LINGO1: variants seen among roughly 807,000 people sequenced by gnomAD.
The protein encoded by LINGO1 is leucine-rich repeat and immunoglobulin-like domain-containing nogo receptor-interacting protein 1.
A neutral mutation model predicts 37.3 loss-of-function variants in LINGO1; 11 were observed. The observed-to-expected ratio is 0.29, with a 90% CI of 0.19 to 0.49. The LOEUF (loss-of-function observed/expected upper bound fraction) is 0.49. LINGO1 is among the 20% of genes least tolerant of loss of function. The probability of loss-of-function intolerance (pLI) is 0.99; values close to 1 mark genes in which losing one functional copy is unlikely to be tolerated. For synonymous variants in LINGO1, 387 were observed against 403.0 expected, an observed-to-expected ratio of 0.96 and a Z score of 0.48; for missense variants, 585 against 878.2, an observed-to-expected ratio of 0.67 and a Z score of 4.22.
chr15:77,769,918 G>A lies in LINGO1; in HGVS notation c.-257+16951C>T, dbSNP rs114232736. On this transcript the variant is annotated intron_variant, in intron 1 of 3. Transcript: ENST00000561686. ...CTGATCTGCCCCATTTTCAGGTGAA[G>A]AAACCGAGACTCAGTGTGGTTTTGT... is the stretch of plus-strand genomic sequence containing the variant. Among the ~76,000 whole-genome samples, 770 of 152,300 alleles carry A rather than the reference G, an allele frequency of 5.1e-3. 7 individuals carry two copies. The highest frequency in any genetic ancestry group is 0.017 in the African/African-American group (708 of 41,558).
chr15:77,747,930 G>A (rs1365764169), intron 1 of LINGO1, among the ~76,000 whole-genome samples: 2 of 152,362 alleles, frequency 1.3e-5, no homozygotes, highest in East Asian at 3.9e-4. Context: ...CGTGTGTGCT[G>A]CGTGCCAGAC....
intron 2 of LINGO1, among the ~76,000 whole-genome samples, chr15:77,687,353 T>C (rs1299862779): frequency 6.6e-6 from 1 of 152,210 alleles, no homozygotes; most frequent in Non-Finnish European, 1.5e-5. Context: ...CAGGTCTTAA[T>C]GAGGGACATT....
intron 2 of LINGO1, among the ~76,000 whole-genome samples, chr15:77,794,374 G>A (rs8039211): frequency 0.42 from 3,052 of 7,192 alleles, 1,012 homozygotes; most frequent in Middle Eastern, 0.62. Flanking sequence ...ATATACATAC[G>A]TATATGTATA....
chr15:77,741,579 G>T (rs1596177382), intron 1 of LINGO1, among the ~76,000 whole-genome samples: 2 of 152,114 alleles, frequency 1.3e-5, no homozygotes, highest in South Asian at 4.1e-4. Context: ...GGGGCAGGCC[G>T]CAGGCCCCAC....
chr15:77,749,681 G>A (rs751261282), intron 1 of LINGO1, among the ~76,000 whole-genome samples: 4 of 152,162 alleles, frequency 2.6e-5, no homozygotes, highest in Non-Finnish European at 4.4e-5. Context: ...AGCTGCTCCC[G>A]CCACCAGACC....
chr15:77,794,619 G>A (rs1458357328), intron 2 of LINGO1, among the ~76,000 whole-genome samples: 3 of 130,888 alleles, frequency 2.3e-5, no homozygotes, highest in Admixed American at 8.3e-5. Context: ...ACGGAGTCTC[G>A]CTCTGTCGCC....
intron 1 of LINGO1, among the ~76,000 whole-genome samples, chr15:77,819,823 G>T (rs1164895968): frequency 6.6e-6 from 1 of 151,284 alleles, no homozygotes; most frequent in African/African-American, 2.4e-5. Flanking sequence ...CCCAGGTGCC[G>T]ACTCGGGCTT....
chr15:77,679,848 T>C lies in LINGO1; in HGVS notation c.-98-2674A>G, dbSNP rs558384511. On this transcript the variant is annotated intron_variant, in intron 2 of 3. Transcript: ENST00000559893. ...TGTGATCAGGATATTACATAGCCCA[T>C]AGCAACCACTCGATATGCCCCAGGT... 3.3e-5 allele frequency among the ~76,000 whole-genome samples: 5 copies of C among 151,942 alleles called. No individual in the cohort carries two copies. The East Asian group carries it at 9.7e-4, about 29-fold the overall frequency.
rs545849653 is a variant in LINGO1, at chr15:77,718,306, T to C, written c.-195+16686A>G. Among the ~76,000 whole-genome samples, 6 of 151,016 alleles carry C rather than the reference T, an allele frequency of 4.0e-5. 2 individuals are homozygous for C. In the South Asian group the frequency reaches 1.3e-3, roughly 32 times the overall value. On this transcript the variant is annotated intron_variant, in intron 2 of 3. Coordinates refer to the LINGO1 transcript ENST00000561686. ...CACGCGGGTTTAACAGCCACATGTA[T>C]GAATGCACACGCTCATGCATACCCA...
upstream of LINGO1, among the ~76,000 whole-genome samples, chr15:77,698,055 T>C (rs2075719162): frequency 6.6e-6 from 1 of 152,084 alleles, no homozygotes; most frequent in South Asian, 2.1e-4. Flanking sequence ...GAGGATGGAT[T>C]TCAGGCAGGC....
intron 3 of LINGO1, among the ~76,000 whole-genome samples, chr15:77,650,308 A>C (rs1015387021): frequency 5.9e-5 from 9 of 152,204 alleles, no homozygotes; most frequent in Non-Finnish European, 1.5e-5. Flanking sequence ...GAGAAGGAAT[A>C]ATCTTAAAAG....
In LINGO1 at chr15:77,812,828, C is replaced by G. The variant is rs189962037; in HGVS notation, c.-458+7430G>C. On this transcript the variant is annotated intron_variant, in intron 1 of 5. Transcript: ENST00000562933. ...GTGGCCCCGCCCCATCCTGGCACAG[C>G]CATCAGGGACAGGGAGGGCCGTATC... Among the ~76,000 whole-genome samples the G allele has an allele frequency of 1.4e-4, 21 of 152,346 alleles. No individual in the cohort carries two copies. The East Asian group carries it at 3.9e-3, about 28-fold the overall frequency.
At chr15:77,713,476 A>T (rs1596145179) in intron 2 of LINGO1, among the ~76,000 whole-genome samples, 1 of 151,308 alleles carries the variant, frequency 6.6e-6, no homozygotes, top group Non-Finnish European at 1.5e-5. Flanking sequence ...AGGAGGACAA[A>T]TTAGTAGCAG....
At chr15:77,675,778 C>T (rs947804541) in intron 3 of LINGO1, among the ~76,000 whole-genome samples, 2 of 152,072 alleles carry the variant, frequency 1.3e-5, no homozygotes, top group African/African-American at 4.8e-5. Flanking sequence ...AAAAATGATT[C>T]TGCTTAGGGA....
At chr15:77,671,067 C>T (rs2075239714) in intron 3 of LINGO1, among the ~76,000 whole-genome samples, 1 of 152,218 alleles carries the variant, frequency 6.6e-6, no homozygotes, top group Admixed American at 6.5e-5. Flanking sequence ...TTCATCACCA[C>T]CTGACCCTCC....
At chr15:77,816,778 T>C (rs1473838471) in intron 1 of LINGO1, among the ~76,000 whole-genome samples, 1 of 151,914 alleles carries the variant, frequency 6.6e-6, no homozygotes, top group Non-Finnish European at 1.5e-5. Flanking sequence ...GTTCATTTTG[T>C]GGAGTTGGTT....
At chr15:77,748,421 G>A (rs998717352) in intron 1 of LINGO1, among the ~76,000 whole-genome samples, 1 of 152,128 alleles carries the variant, frequency 6.6e-6, no homozygotes, top group Admixed American at 6.6e-5. Flanking sequence ...TGTCACTGCA[G>A]GGATTCCATG....
intron 2 of LINGO1, chr15:77,720,538 T>C (rs996021921): frequency 1.3e-5 from 2 of 152,280 alleles, no homozygotes; most frequent in African/African-American, 4.8e-5. Flanking sequence ...GCAGTGGAAC[T>C]GTTTTTATTA....
chr15:77,789,310 T>C (rs1159152663), upstream of LINGO1, among the ~76,000 whole-genome samples: 2 of 152,200 alleles, frequency 1.3e-5, no homozygotes, highest in African/African-American at 4.8e-5. Context: ...ATTGTGCCCA[T>C]AAGAAGGAGG....
Sources: gnomAD v4.1 joint callset for allele counts (sites outside exome capture counted in the v4.1 genomes callset) on GRCh38, gnomAD v4.1.1 for gene constraint, MANE v1.5 for transcripts, NCBI Gene and HGNC (gene_info 2026-07-23, HGNC 2026-07-21) for gene names.